Variants in CTNNA2 observed in about 807,000 individuals in gnomAD.
The protein encoded by CTNNA2 is catenin alpha 2, also known as catenin alpha-2.
A neutral mutation model predicts 101.0 loss-of-function variants in CTNNA2; 42 were observed. The observed-to-expected ratio is 0.42, with a 90% CI of 0.32 to 0.54. The LOEUF (loss-of-function observed/expected upper bound fraction) is 0.54. Among genes scored for constraint, CTNNA2 ranks in the 20% least tolerant of loss-of-function variants. The pLI is 0.14. For synonymous variants in CTNNA2, 450 were observed against 456.4 expected, an observed-to-expected ratio of 0.99 and a Z score of 0.18; for missense variants, 871 against 1,223.1, an observed-to-expected ratio of 0.71 and a Z score of 4.29.
rs553827314 is a variant in CTNNA2 at position 79,423,703 on chromosome 2, G to A, written c.-135+49690G>A. On this transcript the variant is annotated intron_variant, in intron 4 of 21. Transcript: ENST00000466387. ...CTTTAAGATTGCAGAATTATAGCAC[G>A]GCTTGTGGCAAAAGGGATGGCTTTC... 2.6e-5 allele frequency among the ~76,000 whole-genome samples: 4 copies of A among 152,250 alleles called. No individual in the cohort carries two copies. The South Asian group carries it at 8.3e-4, about 32-fold the overall frequency.
intron 3 of CTNNA2, among the ~76,000 whole-genome samples, chr2:79,355,114 C>A (rs1246977689): frequency 1.3e-5 from 2 of 152,108 alleles, no homozygotes; most frequent in African/African-American, 2.4e-5. Flanking sequence ...CAGTACCATG[C>A]TGTTTTAGGT....
At position 79,859,990 on chromosome 2, in the gene CTNNA2, G is replaced by A. The variant is rs200416572; in HGVS notation, c.465+1811G>A. Among the ~76,000 whole-genome samples the A allele has an allele frequency of 1.4e-4, 22 of 152,270 alleles. No homozygotes were observed. The East Asian group carries it at 4.1e-3, about 28-fold the overall frequency. On this transcript the variant is annotated intron_variant, in intron 4 of 18. Coordinates refer to ENST00000402739, the MANE Select transcript of CTNNA2 (RefSeq NM_001282597.3). Reference sequence around the variant, plus strand: ...GAGAATGGCACAAAGTGAGTGTCCTGTCAGTGGCAGCTGAATAGGGAGTGT... The same window carrying A: ...GAGAATGGCACAAAGTGAGTGTCCTATCAGTGGCAGCTGAATAGGGAGTGT...
At chr2:80,356,415 G>C (rs1297418769) in intron 7 of CTNNA2, among the ~76,000 whole-genome samples, 1 of 152,096 alleles carries the variant, frequency 6.6e-6, no homozygotes, top group African/African-American at 2.4e-5. Context: ...TAGCCTCTCT[G>C]GAACTCAGTT....
intron 7 of CTNNA2, among the ~76,000 whole-genome samples, chr2:80,240,083 C>A (rs1180684194): frequency 6.6e-6 from 1 of 152,138 alleles, no homozygotes; most frequent in African/African-American, 2.4e-5. Flanking sequence ...GTGGGGACTA[C>A]CATATGGGCA....
At chr2:79,445,329 C>T (rs11898656) in intron 4 of CTNNA2, among the ~76,000 whole-genome samples, 28,112 of 152,042 alleles carry the variant, frequency 0.18, 2,692 homozygotes, top group Middle Eastern at 0.3. Flanking sequence ...ATCAAAAGTA[C>T]CCAAGTTTTG....
chr2:79,880,374 A>G (rs866389998), intron 6 of CTNNA2, among the ~76,000 whole-genome samples: 8 of 152,302 alleles, frequency 5.3e-5, no homozygotes, highest in Non-Finnish European at 7.4e-5. Context: ...GTTGTTTGGA[A>G]TAGTTACAAA....
At chr2:79,267,387 T>G in intron 2 of CTNNA2, among the ~76,000 whole-genome samples, 1 of 152,250 alleles carries the variant, frequency 6.6e-6, no homozygotes, top group East Asian at 1.9e-4. Context: ...CACCATATTC[T>G]CACAAGGCAG....
chr2:79,829,454 C>T (rs1678729812), intron 3 of CTNNA2, among the ~76,000 whole-genome samples: 1 of 150,680 alleles, frequency 6.6e-6, no homozygotes, highest in Admixed American at 6.6e-5. Context: ...CCTGTAGTCC[C>T]AGCTACTCCA....
chr2:79,239,594 C>A lies in CTNNA2; in HGVS notation c.-406+41518C>A, dbSNP rs1384444615. ...TGTAAAACCCAAACGTATAAAACACCCTAGAAGAAAATCTAGGCAATATCA... is the reference window on the plus strand; with the variant it reads ...TGTAAAACCCAAACGTATAAAACACACTAGAAGAAAATCTAGGCAATATCA... On this transcript the variant is annotated intron_variant, in intron 2 of 21. Transcript: ENST00000466387. 2.0e-5 allele frequency among the ~76,000 whole-genome samples: 3 copies of A among 152,028 alleles called. No individual in the cohort carries two copies. The East Asian group carries it at 5.8e-4, about 29-fold the overall frequency.
At chr2:79,466,452 G>A (rs1471418263) in intron 4 of CTNNA2, among the ~76,000 whole-genome samples, 27 of 152,228 alleles carry the variant, frequency 1.8e-4, no homozygotes. Flanking sequence ...ACCTCTGGGG[G>A]CAGGGCATAG....
At chr2:79,327,552 A>G (rs1329158842) in intron 3 of CTNNA2, among the ~76,000 whole-genome samples, 3 of 152,168 alleles carry the variant, frequency 2.0e-5, no homozygotes, top group Non-Finnish European at 4.4e-5. Flanking sequence ...AGCTGGTTTC[A>G]ACTTTATGGT....
chr2:79,768,093 A>C (rs6708952), intron 3 of CTNNA2, among the ~76,000 whole-genome samples: 75,633 of 151,206 alleles, frequency 0.5, 22,165 homozygotes, highest in African/African-American at 0.8. Context: ...TCTGTGGTTC[A>C]CCCTGGCTAG....
At chr2:79,773,817 A>G (rs1296130947) in intron 3 of CTNNA2, among the ~76,000 whole-genome samples, 1 of 152,004 alleles carries the variant, frequency 6.6e-6, no homozygotes, top group Non-Finnish European at 1.5e-5. Flanking sequence ...GCTGAAGATT[A>G]TCTTTTGTTT....
chr2:80,617,273 C>T (rs1241336058), intron 17 of CTNNA2, among the ~76,000 whole-genome samples: 1 of 146,566 alleles, frequency 6.8e-6, no homozygotes, highest in Non-Finnish European at 1.5e-5. Context: ...CAGAAAATCC[C>T]TAACTTATAA....
intron 7 of CTNNA2, among the ~76,000 whole-genome samples, chr2:80,169,860 C>A (rs372720023): frequency 6.6e-6 from 1 of 152,186 alleles, no homozygotes; most frequent in Admixed American, 6.5e-5. Flanking sequence ...TTGCCACTTG[C>A]GTGACTTTAG....
intron 1 of CTNNA2, among the ~76,000 whole-genome samples, chr2:79,600,132 T>C (rs2104069308): frequency 6.6e-6 from 1 of 152,260 alleles, no homozygotes; most frequent in Non-Finnish European, 1.5e-5. Flanking sequence ...ATCTGGACCC[T>C]AAATTGAACT....
intron 7 of CTNNA2, among the ~76,000 whole-genome samples, chr2:80,157,363 C>A (rs1386950632): frequency 6.6e-6 from 1 of 152,094 alleles, no homozygotes; most frequent in East Asian, 1.9e-4. Context: ...AGGAATGGAG[C>A]TATCTCATGG....
chr2:79,347,450 T>C (rs1165251791), intron 3 of CTNNA2, among the ~76,000 whole-genome samples: 1 of 152,224 alleles, frequency 6.6e-6, no homozygotes, highest in Non-Finnish European at 1.5e-5. Flanking sequence ...TTAAATAAAA[T>C]AAGTCTTAGT....
chr2:79,210,116 T>TGTGTGTGTGTGTGTGTGTGTGTG (rs1553382358), intron 2 of CTNNA2, among the ~76,000 whole-genome samples: 4 of 71,942 alleles, frequency 5.6e-5, no homozygotes, highest in African/African-American at 2.9e-4. Context: ...GTGTGTGTGT[T>TGTGTGTGTGTGTGTGTGTGTGTG]TAAGCAGAAG....
Sources: gnomAD v4.1 joint callset for allele counts (sites outside exome capture counted in the v4.1 genomes callset) on GRCh38, gnomAD v4.1.1 for gene constraint, MANE v1.5 for transcripts, NCBI Gene and HGNC (gene_info 2026-07-23, HGNC 2026-07-21) for gene names.